Variants in PCDHA3 observed in about 807,000 individuals in gnomAD.
The protein encoded by PCDHA3 is protocadherin alpha-3.
In PCDHA3, 41 loss-of-function variants were observed where a neutral mutation model predicts 62.2. The ratio of observed to expected loss-of-function variants is 0.66; its 90% CI spans 0.51 to 0.86. PCDHA3 has a LOEUF of 0.86. PCDHA3 is among the 40% of genes least tolerant of loss of function. PCDHA3 has a pLI of 0.00. For synonymous variants in PCDHA3, 640 were observed against 555.4 expected (o/e 1.15, Z -2.14); for missense variants, 1,304 against 1,241.2 (o/e 1.05, Z -0.76).
intron 3 of PCDHA3, among the ~76,000 whole-genome samples, chr5:140,988,231 A>G (rs2097289009): frequency 6.6e-6 from 1 of 152,150 alleles, no homozygotes. Context: ...TCAGGGATCT[A>G]TGTGAGTGGG....
chr5:140,989,403 G>A (rs1327699534), intron 3 of PCDHA3, among the ~76,000 whole-genome samples: 4 of 152,182 alleles, frequency 2.6e-5, no homozygotes, highest in African/African-American at 9.7e-5. Context: ...GGAGGGTGGA[G>A]AGTCTGCACT....
At chr5:140,922,980 A>G (rs2081098580) in intron 1 of PCDHA3, among the ~76,000 whole-genome samples, 1 of 152,244 alleles carries the variant, frequency 6.6e-6, no homozygotes, top group African/African-American at 2.4e-5. Flanking sequence ...TATCTCAGAC[A>G]ATAGGCAAGC....
intron 1 of PCDHA3, chr5:140,808,769 C>T: frequency 6.2e-7 from 1 of 1,612,380 alleles, no homozygotes; most frequent in Non-Finnish European, 8.5e-7. Flanking sequence ...CCACGAGGAG[C>T]TAGAGCTGCT....
chr5:140,915,389 G>T (rs1382922139), intron 1 of PCDHA3, among the ~76,000 whole-genome samples: 5 of 152,078 alleles, frequency 3.3e-5, no homozygotes, highest in African/African-American at 4.8e-5. Context: ...TGAAGAGCTA[G>T]GTATTTCTTA....
chr5:140,871,372 G>A lies in PCDHA3; in HGVS notation c.2394+67781G>A. 7 of 1,614,234 alleles carry A rather than the reference G, an allele frequency of 4.3e-6. No homozygotes were observed. The highest frequency in any genetic ancestry group is 5.9e-6 in the Non-Finnish European group (7 of 1,180,036). On this transcript the variant is annotated intron_variant, in intron 1 of 3. Coordinates refer to ENST00000522353, the MANE Select transcript of PCDHA3 (RefSeq NM_018906.3). Reference sequence around the variant, plus strand: ...ATACTCGCAGCAGAGGCGGCAGAGGGTGTGCTCTGAGGAGGGCCCACCTAA... The same window carrying A: ...ATACTCGCAGCAGAGGCGGCAGAGGATGTGCTCTGAGGAGGGCCCACCTAA...
chr5:140,946,613 T>A (rs1300820927), intron 1 of PCDHA3, among the ~76,000 whole-genome samples: 1 of 116,702 alleles, frequency 8.6e-6, no homozygotes, highest in South Asian at 2.6e-4. Context: ...AAATGTGAAA[T>A]ATATATATAT....
intron 1 of PCDHA3, among the ~76,000 whole-genome samples, chr5:140,874,132 A>C (rs181983769): frequency 1.3e-5 from 2 of 152,240 alleles, no homozygotes; most frequent in East Asian, 3.8e-4. Flanking sequence ...TATTTAAGTT[A>C]TCTTATACTT....
chr5:140,970,473 CA>C (rs1177454514), intron 1 of PCDHA3, among the ~76,000 whole-genome samples: 4 of 151,956 alleles, frequency 2.6e-5, no homozygotes, highest in African/African-American at 9.7e-5. Flanking sequence ...GGTATAAGGC[CA>C]GCTTGTTCAT....
At position 140,843,258 on chromosome 5, in the gene PCDHA3, G is replaced by T. The variant is rs2150356116; in HGVS notation, c.2394+39667G>T. 2 of 1,596,068 alleles carry T rather than the reference G, an allele frequency of 1.3e-6. 1 individual carries two copies. The highest frequency in any genetic ancestry group is 3.4e-5 in the Admixed American group (2 of 59,332). ...GACGAAGCGGACTCTCCGCGCCACC[G>T]TCTGCTGGTCCTGGTGAAGGATCAT... On this transcript the variant is annotated intron_variant, in intron 1 of 3. Coordinates refer to ENST00000522353, the MANE Select transcript of PCDHA3 (RefSeq NM_018906.3).
At chr5:140,896,019 C>A (rs2065310725) in intron 1 of PCDHA3, among the ~76,000 whole-genome samples, 1 of 152,144 alleles carries the variant, frequency 6.6e-6, no homozygotes, top group African/African-American at 2.4e-5. Flanking sequence ...CCATGTTGGC[C>A]AGGCTGGTCT....
At position 140,801,362 on chromosome 5, in the gene PCDHA3, G is replaced by C. The variant is rs199783721; in HGVS notation, c.165G>C (p.Glu55Asp). Residue 55 changes from glutamate (E) to aspartate (D), a missense_variant, in exon 1 of 4, where the codon GAG becomes GAC. Transcript: ENST00000522353. Reference sequence around the variant, plus strand: ...GCATCGCGCAGGACCTGGGGCTGGAGCTGGCGGAGCTGGTGCCGCGCCTGT... The same window carrying C: ...GCATCGCGCAGGACCTGGGGCTGGACCTGGCGGAGCTGGTGCCGCGCCTGT... The part of the protein sequence containing the change: ...VGRIAQDLGL[E>D]LAELVPRLFR... 6.2e-7 allele frequency: 1 copy of C among 1,613,322 alleles called. No homozygotes were observed. Among genetic ancestry groups the C allele is most frequent in the East Asian group, 2.2e-5 (1 of 44,902 alleles).
intron 1 of PCDHA3, chr5:140,809,441 C>T (rs1554125216): frequency 1.2e-6 from 2 of 1,614,208 alleles, no homozygotes; most frequent in South Asian, 1.1e-5. Context: ...GTCATACTCG[C>T]AGCAGAGGAG....
intron 1 of PCDHA3, among the ~76,000 whole-genome samples, chr5:140,907,117 T>G (rs2073177882): frequency 6.6e-6 from 1 of 152,156 alleles, no homozygotes; most frequent in Non-Finnish European, 1.5e-5. Context: ...ACCCCTTGAT[T>G]CCTGGACCTG....
At chr5:140,917,357 C>G (rs2078163128) in intron 1 of PCDHA3, among the ~76,000 whole-genome samples, 1 of 146,268 alleles carries the variant, frequency 6.8e-6, no homozygotes, top group African/African-American at 2.5e-5. Context: ...GGCTTCTGTT[C>G]CACTATCTTG....
chr5:140,882,480 A>T, intron 1 of PCDHA3: 1 of 1,614,020 alleles, frequency 6.2e-7, no homozygotes, highest in Non-Finnish European at 8.5e-7. Flanking sequence ...TCCAAAAGAC[A>T]CGGGGACCTT....
chr5:140,838,280 A>AT (rs2150286950), intron 1 of PCDHA3, among the ~76,000 whole-genome samples: 90,280 of 139,474 alleles, frequency 0.65, 30,290 homozygotes, highest in Non-Finnish European at 0.74. Context: ...AGCCATGCTA[A>AT]TTTTTTTTTT....
intron 1 of PCDHA3, chr5:140,830,490 G>A: frequency 1.3e-6 from 2 of 1,489,110 alleles, no homozygotes; most frequent in Non-Finnish European, 1.8e-6. Context: ...GCCAAAGTAA[G>A]TGAATTTTCA....
intron 1 of PCDHA3, chr5:140,842,313 C>A: frequency 6.2e-7 from 1 of 1,607,028 alleles, no homozygotes; most frequent in Non-Finnish European, 8.5e-7. Context: ...CCTCCCATGG[C>A]GGGTCATTGC....
chr5:140,827,562 G>A (rs1342392070), intron 1 of PCDHA3, among the ~76,000 whole-genome samples: 2 of 152,094 alleles, frequency 1.3e-5, no homozygotes, highest in African/African-American at 4.8e-5. Flanking sequence ...TTTCCCTAGA[G>A]CACTATATAA....
Sources: gnomAD v4.1 joint callset for allele counts (sites outside exome capture counted in the v4.1 genomes callset) on GRCh38, gnomAD v4.1.1 for gene constraint, MANE v1.5 for transcripts, NCBI Gene and HGNC (gene_info 2026-07-23, HGNC 2026-07-21) for gene names.